Variants in PLEKHG5 observed in about 807,000 individuals in gnomAD.
PLEKHG5 encodes pleckstrin homology domain-containing family G member 5.
Under a neutral mutation model 103.8 loss-of-function variants are expected in PLEKHG5, and 52 were observed. The ratio of observed to expected loss-of-function variants is 0.50; its 90% CI spans 0.40 to 0.63. The LOEUF (loss-of-function observed/expected upper bound fraction) is 0.63. PLEKHG5 is among the 30% of genes least tolerant of loss of function. The pLI, the probability that PLEKHG5 is intolerant of heterozygous loss-of-function variation, is 0.00. For synonymous variants in PLEKHG5, 592 were observed against 575.5 expected (o/e 1.03, Z -0.41); for missense variants, 1,205 against 1,347.6 (o/e 0.89, Z 1.66).
chr1:6,490,698 G>A lies in PLEKHG5; in HGVS notation c.-88+939C>T. On this transcript the variant is annotated intron_variant, in intron 1 of 20. Coordinates refer to ENST00000377728, the MANE Select transcript of PLEKHG5 (RefSeq NM_020631.6). The surrounding 1 kb of genome is among the most constrained non-coding windows in gnomAD (Gnocchi z 8.0). ...GGGGAGAGGAGGGGTCCCAGGAAGG[G>A]CCCCGCGCCGGAGCCAGGGAGGTGG... is the stretch of plus-strand genomic sequence containing the variant. 3 of 723,828 alleles carry A rather than the reference G, an allele frequency of 4.1e-6. No individual in the cohort carries two copies. Among genetic ancestry groups the A allele is most frequent in the South Asian group, 1.3e-4 (2 of 15,990 alleles). The allele number at this position is 723,828 out of a possible 1,614,324, so 44.8% of individuals were successfully genotyped here.
exon 1 of PLEKHG5, chr1:6,519,788 C>T: frequency 1.8e-6 from 1 of 548,644 alleles, no homozygotes; most frequent in Admixed American, 3.1e-5. Context: ...GCAGCCGCCG[C>T]TCACACTGCA....
upstream of PLEKHG5, chr1:6,497,242 C>T: frequency 2.3e-6 from 2 of 879,688 alleles, no homozygotes; most frequent in South Asian, 1.4e-5. This position sits in a 1 kb window ranked among gnomAD's most constrained non-coding sequence, Gnocchi z 6.1. Flanking sequence ...GGAGCGGGCC[C>T]TCCCCGGAGG....
In PLEKHG5 at chr1:6,491,645, C is replaced by G; in HGVS notation, c.-96G>C. On this transcript the variant is annotated 5_prime_UTR_variant, in exon 1 of 21. Coordinates refer to ENST00000377728, the MANE Select transcript of PLEKHG5 (RefSeq NM_020631.6). This position sits in a 1 kb window ranked among gnomAD's most constrained non-coding sequence, Gnocchi z 4.1. ...CCTCTCCCATTACTCACATCCTGCC[C>G]GTCCCTTCTCCATGGGGGCCTCAGG... 1 of 985,172 alleles carries G rather than the reference C, an allele frequency of 1.0e-6. No homozygotes were observed. The highest frequency in any genetic ancestry group is 1.2e-6 in the Non-Finnish European group (1 of 829,708). 61.0% of individuals were successfully genotyped at this position (985,172 alleles called of 1,614,324 possible).
rs1638279635 is a variant in PLEKHG5 at position 6,505,269 on chromosome 1, C to T, written c.-164-8700G>A. 6.6e-6 allele frequency among the ~76,000 whole-genome samples: 1 copy of T among 152,098 alleles called. No homozygotes were observed. The highest frequency in any genetic ancestry group is 2.4e-5 in the African/African-American group (1 of 41,410). On this transcript the variant is annotated intron_variant, in intron 1 of 21. Transcript: ENST00000377740. This position sits in a 1 kb window ranked among gnomAD's most constrained non-coding sequence, Gnocchi z 4.2. ...CCGGTCAGCCCACTGTGCCGACCAGCCTACAGTACCGACCAGCCCACGATG... is the reference window on the plus strand; with the variant it reads ...CCGGTCAGCCCACTGTGCCGACCAGTCTACAGTACCGACCAGCCCACGATG...
chr1:6,469,769 G>T, intron 16 of PLEKHG5, 93 bp from the exon 17 acceptor site: 1 of 1,186,302 alleles, frequency 8.4e-7, no homozygotes, highest in Non-Finnish European at 1.2e-6. Context: ...CTCGGTTTTT[G>T]TCAAACACTC....
chr1:6,519,017 T>A lies in PLEKHG5; in HGVS notation c.-165+428A>T, dbSNP rs1267701451. On this transcript the variant is annotated intron_variant, in intron 1 of 21. Transcript: ENST00000377740. The stretch of plus-strand genomic sequence containing the variant: ...GCCACCACGCCCAGCTAATTTTTTG[T>A]ATTTTTAGTAGAGACGGGGTTTCAC... Among the ~76,000 whole-genome samples the A allele has an allele frequency of 4.6e-5, 7 of 152,324 alleles. No homozygotes were observed. The South Asian group carries it at 1.0e-3, about 23-fold the overall frequency.
chr1:6,477,503 G>A lies in PLEKHG5; in HGVS notation c.43+26C>T, dbSNP rs774560362. ...CACTGACACAGGAGCTCTGGGGGCC[G>A]AGCTGCGGCTCCCGCCTGTGCTCAC... On this transcript the variant is annotated intron_variant, in intron 2 of 20. Coordinates refer to ENST00000377728, the MANE Select transcript of PLEKHG5 (RefSeq NM_020631.6). 1.0e-5 allele frequency: 16 copies of A among 1,607,480 alleles called. No individual in the cohort carries two copies. The Admixed American group carries it at 1.3e-4, about 13-fold the overall frequency.
At chr1:6,517,653 G>A (rs1301096938) in intron 1 of PLEKHG5, among the ~76,000 whole-genome samples, 1 of 152,214 alleles carries the variant, frequency 6.6e-6, no homozygotes, top group Non-Finnish European at 1.5e-5. Context: ...CTGGGGAGGG[G>A]ATGGCCCTGG....
intron 1 of PLEKHG5, among the ~76,000 whole-genome samples, chr1:6,518,081 T>C (rs7417351): frequency 0.83 from 126,285 of 151,528 alleles, 53,344 homozygotes; most frequent in Non-Finnish European, 0.9. Context: ...TACAGGCGCC[T>C]GCCACCACGC....
At chr1:6,508,109 G>C (rs1638374473) in intron 1 of PLEKHG5, among the ~76,000 whole-genome samples, 1 of 152,132 alleles carries the variant, frequency 6.6e-6, no homozygotes, top group South Asian at 2.1e-4. Context: ...TCCCCGCCTG[G>C]GTGCAGCAGA....
chr1:6,511,411 C>T (rs1638467481), intron 1 of PLEKHG5, among the ~76,000 whole-genome samples: 1 of 152,230 alleles, frequency 6.6e-6, no homozygotes, highest in African/African-American at 2.4e-5. Flanking sequence ...GGAGACAATC[C>T]TAAGCCCCGA....
chr1:6,496,873 T>C, upstream of PLEKHG5: 1 of 1,174,538 alleles, frequency 8.5e-7, no homozygotes, highest in African/African-American at 1.6e-5. Flanking sequence ...CTCAGTGACC[T>C]TTTGGGGCCC....
rs541234129 is a variant in PLEKHG5, at chr1:6,474,032, C to T, written c.572G>A (p.Arg191Gln). Residue 191 changes from arginine to glutamine, a missense_variant, in exon 7 of 21, where the codon CGG becomes CAG. Coordinates refer to ENST00000377728, the MANE Select transcript of PLEKHG5 (RefSeq NM_020631.6). Reference protein sequence around the residue: ...ALERVDAQSRRESLDILAPGR... With the variant: ...ALERVDAQSRQESLDILAPGR... Reference sequence around the variant, plus strand: ...CCTCACCAAGATGTCCAGGCTCTCCCGGCGGCTCTGGGCGTCCACACGCTC... The same window carrying T: ...CCTCACCAAGATGTCCAGGCTCTCCTGGCGGCTCTGGGCGTCCACACGCTC... 5.4e-5 allele frequency: 87 copies of T among 1,607,214 alleles called. No individual in the cohort carries two copies. The South Asian group carries it at 7.2e-4, about 13-fold the overall frequency.
chr1:6,518,711 G>C (rs1423349424), intron 1 of PLEKHG5, among the ~76,000 whole-genome samples: 1 of 152,168 alleles, frequency 6.6e-6, no homozygotes, highest in South Asian at 2.1e-4. Flanking sequence ...CACAAAATGG[G>C]ACAGTCTGAA....
chr1:6,477,667 G>A lies in PLEKHG5; in HGVS notation c.-87-9C>T. ...TCGGCGTGGTGACATACCTGGGGTGGGGACAGAAGCCTTCAGGAGGTCCAC... is the reference window on the plus strand; with the variant it reads ...TCGGCGTGGTGACATACCTGGGGTGAGGACAGAAGCCTTCAGGAGGTCCAC... On this transcript the variant is annotated splice_polypyrimidine_tract_variant and intron_variant, in intron 1 of 20. Coordinates refer to ENST00000377728, the MANE Select transcript of PLEKHG5 (RefSeq NM_020631.6). 1.9e-6 allele frequency: 3 copies of A among 1,600,808 alleles called. No individual in the cohort carries two copies. The highest frequency in any genetic ancestry group is 2.5e-6 in the Non-Finnish European group (3 of 1,179,754).
At chr1:6,468,970 T>C in intron 19 of PLEKHG5, 72 bp downstream of exon 19, 1 of 1,262,132 alleles carries the variant, frequency 7.9e-7, no homozygotes. Context: ...GGAGCGTGGC[T>C]GGGCCTTCAG....
At chr1:6,516,924 A>C (rs1638642406) in intron 1 of PLEKHG5, among the ~76,000 whole-genome samples, 4 of 141,856 alleles carry the variant, frequency 2.8e-5, no homozygotes, top group East Asian at 2.1e-4. Context: ...ACACACACAC[A>C]CATGTACACT....
upstream of PLEKHG5, among the ~76,000 whole-genome samples, chr1:6,500,981 G>A (rs1196534971): frequency 2.6e-5 from 4 of 152,236 alleles, no homozygotes; most frequent in East Asian, 5.8e-4. Flanking sequence ...GGGCAGAACG[G>A]CCGGCAGACA....
upstream of PLEKHG5, among the ~76,000 whole-genome samples, chr1:6,492,378 G>A (rs1288949519): frequency 6.6e-6 from 1 of 152,124 alleles, no homozygotes; most frequent in Non-Finnish European, 1.5e-5. Flanking sequence ...AAGGAGCTGG[G>A]GAGTCCACAC....
Sources: allele counts gnomAD v4.1 joint callset (sites outside exome capture counted in the v4.1 genomes callset), GRCh38; gene constraint gnomAD v4.1.1; non-coding constraint Gnocchi (gnomAD v3.1); transcripts MANE v1.5; gene names NCBI Gene and HGNC (gene_info 2026-07-23, HGNC 2026-07-21).